The following PTPRN2 variants were observed in gnomAD, a reference collection of about 807,000 sequenced individuals.
The protein encoded by PTPRN2 is protein tyrosine phosphatase receptor type N2.
Under a neutral mutation model 118.8 loss-of-function variants are expected in PTPRN2, and 74 were observed. The observed-to-expected ratio is 0.62, with a 90% CI of 0.52 to 0.76. PTPRN2 has a LOEUF of 0.76. Ranked by LOEUF, PTPRN2 falls within the 30% of genes least tolerant of loss-of-function variation. The probability of loss-of-function intolerance (pLI) is 0.00; values close to 1 mark genes in which losing one functional copy is unlikely to be tolerated. For synonymous variants in PTPRN2, 641 were observed against 608.0 expected (o/e 1.05, Z -0.80); for missense variants, 1,481 against 1,394.4 (o/e 1.06, Z -0.99).
At chr7:157,582,015 G>A (rs568446493) in intron 17 of PTPRN2, among the ~76,000 whole-genome samples, 40 of 152,324 alleles carry the variant, frequency 2.6e-4, no homozygotes, top group Middle Eastern at 3.4e-3. Flanking sequence ...CACAGGCTTC[G>A]GAGAGCGTGG....
At chr7:158,158,228 G>C (rs550066875) in intron 6 of PTPRN2, among the ~76,000 whole-genome samples, 2 of 152,220 alleles carry the variant, frequency 1.3e-5, no homozygotes, top group African/African-American at 4.8e-5. Context: ...AGTGACAGAA[G>C]CATTGGTATC....
intron 12 of PTPRN2, among the ~76,000 whole-genome samples, chr7:157,805,655 G>A (rs894168967): frequency 1.3e-5 from 2 of 152,156 alleles, no homozygotes; most frequent in Non-Finnish European, 2.9e-5. Context: ...AAGCGGTGGG[G>A]GCAGGGCAGG....
intron 10 of PTPRN2, among the ~76,000 whole-genome samples, chr7:158,082,898 A>G (rs1812946755): frequency 6.6e-6 from 1 of 152,166 alleles, no homozygotes; most frequent in South Asian, 2.1e-4. Flanking sequence ...TCTCGAGCCC[A>G]GGCCCCAGGC....
At chr7:158,140,013 C>T (rs1044343187) in intron 6 of PTPRN2, among the ~76,000 whole-genome samples, 1 of 142,004 alleles carries the variant, frequency 7.0e-6, no homozygotes. Flanking sequence ...CACACAGAAG[C>T]CCAGAGCTGC....
chr7:157,667,868 C>T (rs1456717573), intron 13 of PTPRN2, among the ~76,000 whole-genome samples: 1 of 152,258 alleles, frequency 6.6e-6, no homozygotes, highest in African/African-American at 2.4e-5. Flanking sequence ...GCCTCCAACA[C>T]ATCCAGAGCC....
chr7:158,047,047 C>T (rs1239416775), intron 11 of PTPRN2, among the ~76,000 whole-genome samples: 1 of 152,228 alleles, frequency 6.6e-6, no homozygotes, highest in Non-Finnish European at 1.5e-5. Flanking sequence ...CGCCCCTCGC[C>T]CCGGAATGGA....
intron 1 of PTPRN2, among the ~76,000 whole-genome samples, chr7:158,507,064 G>C (rs943429817): frequency 1.3e-5 from 2 of 152,256 alleles, no homozygotes; most frequent in African/African-American, 4.8e-5. Flanking sequence ...CTCTGAGCTA[G>C]GTTTGAAGGG....
intron 6 of PTPRN2, among the ~76,000 whole-genome samples, chr7:158,165,963 G>A (rs1410979264): frequency 2.0e-5 from 3 of 152,114 alleles, no homozygotes; most frequent in South Asian, 2.1e-4. Flanking sequence ...AGGGGGCTTC[G>A]GAGGATGTGG....
intron 1 of PTPRN2, among the ~76,000 whole-genome samples, chr7:158,505,112 A>G (rs1563369095): frequency 6.6e-6 from 1 of 152,232 alleles, no homozygotes; most frequent in Non-Finnish European, 1.5e-5. Flanking sequence ...ACTCTGATGC[A>G]GGTAGGATTA....
chr7:158,149,364 C>G (rs1369755164), intron 6 of PTPRN2, among the ~76,000 whole-genome samples: 2 of 151,836 alleles, frequency 1.3e-5, no homozygotes, highest in Non-Finnish European at 2.9e-5. Context: ...TTGACATAAA[C>G]TTAAATCTAA....
intron 11 of PTPRN2, among the ~76,000 whole-genome samples, chr7:158,017,996 C>T (rs979948509): frequency 1.3e-5 from 2 of 152,182 alleles, no homozygotes; most frequent in African/African-American, 4.8e-5. Flanking sequence ...GTGCACTCCC[C>T]AGTGTTGTGA....
intron 3 of PTPRN2, among the ~76,000 whole-genome samples, chr7:158,241,636 T>C (rs1010139453): frequency 6.6e-6 from 1 of 152,232 alleles, no homozygotes; most frequent in African/African-American, 2.4e-5. Flanking sequence ...AGACATTGTT[T>C]TCTGAAGTGT....
intron 2 of PTPRN2, among the ~76,000 whole-genome samples, chr7:158,478,596 G>A (rs1820435013): frequency 6.6e-6 from 1 of 152,152 alleles, no homozygotes; most frequent in African/African-American, 2.4e-5. Flanking sequence ...TCCCTGAGCT[G>A]GACCCACATG....
rs552871623 is a variant in PTPRN2, at chr7:158,587,603, C to T, written c.67G>A (p.Ala23Thr). ...LLLPPRVLPA[A>T]PSSVPRGRQL... ...CGGCCGCGGGGGACGGACGAAGGGG[C>T]GGCAGGCAGGACGCGTGGCGGCAGC... is the stretch of plus-strand genomic sequence containing the variant. Residue 23 changes from alanine to threonine, a missense_variant, in exon 1 of 23, where the codon GCC becomes ACC. This residue lies in a region of PTPRN2 where 1,115 missense variants were observed against 994.2 expected (regional missense o/e 1.12). Coordinates refer to ENST00000389418, the MANE Select transcript of PTPRN2 (RefSeq NM_002847.5). The T allele has an allele frequency of 7.1e-5, 96 of 1,351,690 alleles. No individual in the cohort carries two copies. Among genetic ancestry groups the T allele is most frequent in the Non-Finnish European group, 9.0e-5 (95 of 1,057,216 alleles). The allele number at this position is 1,351,690 out of a possible 1,614,324, so 83.7% of individuals were successfully genotyped here.
chr7:157,938,665 A>G (rs1199380036), intron 11 of PTPRN2, among the ~76,000 whole-genome samples: 1 of 152,264 alleles, frequency 6.6e-6, no homozygotes, highest in Non-Finnish European at 1.5e-5. Context: ...GACGTGTTTA[A>G]GTTGCATTAA....
chr7:157,972,586 G>A (rs1802416916), intron 11 of PTPRN2, among the ~76,000 whole-genome samples: 2 of 18,958 alleles, frequency 1.1e-4, no homozygotes, highest in Non-Finnish European at 1.9e-4. Context: ...GAGACCACGG[G>A]AACTCCACAC....
At chr7:158,415,525 T>C (rs1814586624) in intron 2 of PTPRN2, among the ~76,000 whole-genome samples, 1 of 152,172 alleles carries the variant, frequency 6.6e-6, no homozygotes, top group African/African-American at 2.4e-5. Flanking sequence ...TGCGGCCTGC[T>C]TACCAGACTT....
chr7:157,902,392 C>T (rs1797515620), intron 11 of PTPRN2, among the ~76,000 whole-genome samples: 1 of 151,070 alleles, frequency 6.6e-6, no homozygotes, highest in African/African-American at 2.4e-5. Flanking sequence ...TCACCGTGGC[C>T]TCAAGAGCAC....
chr7:157,939,001 G>A (rs773711142), intron 11 of PTPRN2, among the ~76,000 whole-genome samples: 22 of 152,214 alleles, frequency 1.4e-4, no homozygotes, highest in Non-Finnish European at 2.5e-4. Flanking sequence ...GTGCATGGTG[G>A]CAGCCACATC....
Sources: gnomAD v4.1 joint callset for allele counts (sites outside exome capture counted in the v4.1 genomes callset) on GRCh38, gnomAD v4.1.1 for gene constraint, gnomAD v4.1.1 regional missense constraint, MANE v1.5 for transcripts, NCBI Gene and HGNC (gene_info 2026-07-23, HGNC 2026-07-21) for gene names.